The following VCL variants were observed in gnomAD, a reference collection of about 807,000 sequenced individuals.
VCL encodes epididymis luminal protein 114.
Under a neutral mutation model 125.7 loss-of-function variants are expected in VCL, and 47 were observed. The ratio of observed to expected loss-of-function variants is 0.37; its 90% CI spans 0.30 to 0.48. The LOEUF is 0.48. Ranked by LOEUF, VCL falls within the 20% of genes least tolerant of loss-of-function variation. The pLI is 0.99. For synonymous variants in VCL, 458 were observed against 514.6 expected (o/e 0.89, Z 1.49); for missense variants, 1,069 against 1,455.5 (o/e 0.73, Z 4.32).
At chr10:74,089,982 G>A (rs771162367) in intron 9 of VCL, 41 bp from the exon 10 acceptor site, 19 of 1,613,150 alleles carry the variant, frequency 1.2e-5, no homozygotes, top group Non-Finnish European at 1.4e-5. Context: ...AGGAGTGTGT[G>A]AGTAGATCAC....
chr10:74,056,457 A>G (rs1256001567), intron 2 of VCL, among the ~76,000 whole-genome samples: 8 of 152,104 alleles, frequency 5.3e-5, no homozygotes, highest in Non-Finnish European at 7.4e-5. Context: ...CCTTGATAAG[A>G]ACAAGAAGTC....
chr10:74,051,715 G>A (rs1841302722), intron 2 of VCL, among the ~76,000 whole-genome samples: 1 of 152,148 alleles, frequency 6.6e-6, no homozygotes, highest in African/African-American at 2.4e-5. Context: ...GTTTAAATGA[G>A]TGAAATGATA....
intron 10 of VCL, among the ~76,000 whole-genome samples, chr10:74,091,995 G>A (rs1039541976): frequency 4.0e-5 from 6 of 151,822 alleles, no homozygotes; most frequent in South Asian, 2.1e-4. Context: ...TGCATCCTCC[G>A]CTTGCCAAGT....
intron 8 of VCL, among the ~76,000 whole-genome samples, chr10:74,088,380 A>T (rs554894320): frequency 6.6e-6 from 1 of 152,332 alleles, no homozygotes; most frequent in South Asian, 2.1e-4. Context: ...CTTGATGGGA[A>T]ACAGTGGTTT....
At chr10:74,015,278 C>A (rs1366689167) in intron 1 of VCL, among the ~76,000 whole-genome samples, 1 of 152,222 alleles carries the variant, frequency 6.6e-6, no homozygotes, top group African/African-American at 2.4e-5. Context: ...TTTGGCCAGG[C>A]CCTGTGGCTC....
chr10:74,086,220 T>C (rs1037255868), intron 8 of VCL, among the ~76,000 whole-genome samples: 3 of 152,220 alleles, frequency 2.0e-5, no homozygotes, highest in African/African-American at 7.2e-5. Context: ...CCAAGATCAC[T>C]TCTATCATCT....
At chr10:74,054,498 AT>A (rs1841360872) in intron 2 of VCL, among the ~76,000 whole-genome samples, 1 of 152,174 alleles carries the variant, frequency 6.6e-6, no homozygotes, top group African/African-American at 2.4e-5. Flanking sequence ...TAAGTGAAAA[AT>A]ATCCTCTTAT....
intron 18 of VCL, among the ~76,000 whole-genome samples, chr10:74,111,579 A>C (rs1840218602): frequency 6.6e-6 from 1 of 152,234 alleles, no homozygotes; most frequent in African/African-American, 2.4e-5. Context: ...CTCATGTGAG[A>C]ATCACTCTTG....
At position 74,101,862 on chromosome 10, in the gene VCL, C is replaced by CTT. The variant is rs561525230; in HGVS notation, c.2022+782_2022+783dup. 2.5e-3 allele frequency among the ~76,000 whole-genome samples: 328 copies of CTT among 133,008 alleles called. 1 individual carries two copies. Among genetic ancestry groups the CTT allele is most frequent in the Non-Finnish European group, 4.5e-3 (275 of 61,286 alleles). The allele number at this position is 133,008 out of a possible 152,430, so 87.3% of individuals were successfully genotyped here. ...ATAACTAGGAAAATATTTGGATAAT[C>CTT]TTTTTTTTTTTTTTTTTTGAGGGAC... On this transcript the variant is annotated intron_variant, in intron 14 of 21. Coordinates refer to ENST00000211998, the MANE Select transcript of VCL (RefSeq NM_014000.3).
intron 16 of VCL, among the ~76,000 whole-genome samples, chr10:74,105,856 C>G (rs1291066458): frequency 6.8e-6 from 1 of 147,008 alleles, no homozygotes; most frequent in Non-Finnish European, 1.5e-5. Context: ...TGCCCAACCT[C>G]TGCGCTTTTT....
intron 1 of VCL, among the ~76,000 whole-genome samples, chr10:74,019,416 C>G (rs1329363519): frequency 6.6e-6 from 1 of 152,054 alleles, no homozygotes; most frequent in Non-Finnish European, 1.5e-5. Context: ...TCCCCCATCC[C>G]CCTACAGGCC....
intron 2 of VCL, among the ~76,000 whole-genome samples, chr10:74,047,600 T>C (rs1056563974): frequency 1.3e-5 from 2 of 152,214 alleles, no homozygotes; most frequent in African/African-American, 4.8e-5. Context: ...GGCTAAAATA[T>C]TTAAACATTT....
chr10:74,029,668 G>A (rs1840838511), intron 1 of VCL, among the ~76,000 whole-genome samples: 1 of 152,170 alleles, frequency 6.6e-6, no homozygotes, highest in South Asian at 2.1e-4. Flanking sequence ...TGGTTCATCT[G>A]CTGCCTAGCC....
rs1841666087 is a variant in VCL at position 74,071,675 on chromosome 10, A to G, written c.499+592A>G. ...GAACTTGAGGGTCTTTAAAGTATGA[A>G]TGAGACCAATGACAAGATATGTTAG... On this transcript the variant is annotated intron_variant, in intron 4 of 21. Transcript: ENST00000211998. This position sits in a 1 kb window ranked among gnomAD's most constrained non-coding sequence, Gnocchi z 4.1. 6.6e-6 allele frequency among the ~76,000 whole-genome samples: 1 copy of G among 152,248 alleles called. No individual in the cohort carries two copies. Among genetic ancestry groups the G allele is most frequent in the Non-Finnish European group, 1.5e-5 (1 of 68,032 alleles).
At chr10:74,043,449 T>A (rs549643462) in intron 2 of VCL, among the ~76,000 whole-genome samples, 1 of 152,176 alleles carries the variant, frequency 6.6e-6, no homozygotes, top group African/African-American at 2.4e-5. Flanking sequence ...TGGGTTCAAA[T>A]GATTTGCCTG....
chr10:74,014,139 T>C (rs1840491149), intron 1 of VCL, among the ~76,000 whole-genome samples: 1 of 152,216 alleles, frequency 6.6e-6, no homozygotes, highest in African/African-American at 2.4e-5. Context: ...GGAAAAAGTA[T>C]ATATATATTT....
intron 1 of VCL, among the ~76,000 whole-genome samples, chr10:74,026,849 T>C (rs1840780481): frequency 6.6e-6 from 1 of 152,194 alleles, no homozygotes; most frequent in African/African-American, 2.4e-5. Context: ...TCCATTACCT[T>C]CCAAGATGAG....
At chr10:74,043,015 T>G in intron 1 of VCL, 68 bp from the exon 2 acceptor site, 1 of 1,397,214 alleles carries the variant, frequency 7.2e-7, no homozygotes, top group Non-Finnish European at 1.0e-6. Context: ...GTTTCAAATA[T>G]GCTTAAGTAA....
chr10:74,018,604 G>C (rs754168398), intron 1 of VCL, among the ~76,000 whole-genome samples: 14 of 152,280 alleles, frequency 9.2e-5, no homozygotes, highest in South Asian at 4.1e-4. Context: ...TGTGCAGTTA[G>C]GGAATGGGGA....
Sources: allele counts gnomAD v4.1 joint callset (sites outside exome capture counted in the v4.1 genomes callset), GRCh38; gene constraint gnomAD v4.1.1; non-coding constraint Gnocchi (gnomAD v3.1); transcripts MANE v1.5; gene names NCBI Gene and HGNC (gene_info 2026-07-23, HGNC 2026-07-21).